MAGI2: variants seen among roughly 807,000 people sequenced by gnomAD.
The protein encoded by MAGI2 is membrane-associated guanylate kinase, WW and PDZ domain-containing protein 2.
Under a neutral mutation model 133.3 loss-of-function variants are expected in MAGI2, and 35 were observed. The observed-to-expected ratio is 0.26, with a 90% confidence interval of 0.20 to 0.35. MAGI2 has a LOEUF of 0.35. Among genes scored for constraint, MAGI2 ranks in the 10% least tolerant of loss-of-function variants. The pLI is 1.00. For missense variants in MAGI2, 1,636 were observed against 1,863.4 expected (o/e 0.88, Z 2.25); for synonymous variants, 729 against 710.6 (o/e 1.03, Z -0.41).
chr7:78,814,676 G>C (rs1789403488), intron 2 of MAGI2, among the ~76,000 whole-genome samples: 1 of 152,006 alleles, frequency 6.6e-6, no homozygotes, highest in East Asian at 1.9e-4. Flanking sequence ...CAAATCTCTT[G>C]AATAACACAT....
At chr7:78,157,790 T>G (rs190489488) in intron 16 of MAGI2, among the ~76,000 whole-genome samples, 129 of 152,372 alleles carry the variant, frequency 8.5e-4, no homozygotes, top group African/African-American at 2.8e-3. Context: ...TGTATCCTTT[T>G]AATCTTGGTG....
intron 9 of MAGI2, among the ~76,000 whole-genome samples, chr7:78,287,894 C>T (rs1024075755): frequency 1.6e-4 from 24 of 152,116 alleles, no homozygotes; most frequent in Non-Finnish European, 2.9e-4. Flanking sequence ...AATCAGTTAC[C>T]TATTCCATTT....
chr7:78,941,314 C>G (rs190096252), intron 2 of MAGI2, among the ~76,000 whole-genome samples: 95 of 152,242 alleles, frequency 6.2e-4, no homozygotes, highest in African/African-American at 2.0e-3. Context: ...CAACAAGACA[C>G]CTGCTCAACA....
At chr7:78,965,169 A>T (rs555118379) in intron 2 of MAGI2, among the ~76,000 whole-genome samples, 1 of 151,570 alleles carries the variant, frequency 6.6e-6, no homozygotes, top group African/African-American at 2.4e-5. Context: ...TCTAAATCTA[A>T]ATCTAATTAA....
intron 2 of MAGI2, among the ~76,000 whole-genome samples, chr7:78,803,647 A>G (rs898553820): frequency 1.3e-5 from 2 of 152,182 alleles, no homozygotes; most frequent in African/African-American, 4.8e-5. Flanking sequence ...GAAACATCAG[A>G]AAAGGGGGAA....
intron 6 of MAGI2, among the ~76,000 whole-genome samples, chr7:78,390,404 C>G (rs111374447): frequency 2.0e-5 from 3 of 152,190 alleles, no homozygotes; most frequent in African/African-American, 7.2e-5. Flanking sequence ...TGAATTTGAA[C>G]ATTATAAAAT....
intron 6 of MAGI2, among the ~76,000 whole-genome samples, chr7:78,407,413 G>T (rs1797480234): frequency 6.6e-6 from 1 of 151,908 alleles, no homozygotes; most frequent in South Asian, 2.1e-4. Flanking sequence ...TTGTTAAAAG[G>T]TGTTTTTTTA....
intron 1 of MAGI2, among the ~76,000 whole-genome samples, chr7:79,070,209 T>C (rs1026523262): frequency 7.2e-5 from 11 of 152,238 alleles, no homozygotes; most frequent in African/African-American, 2.6e-4. Flanking sequence ...TTTTCCAACT[T>C]GGTTCCATTC....
At chr7:78,104,050 C>G (rs6979444) in intron 20 of MAGI2, among the ~76,000 whole-genome samples, 2,161 of 152,266 alleles carry the variant, frequency 0.014, 54 homozygotes, top group African/African-American at 0.049. Flanking sequence ...GGTGGGGCCT[C>G]TCTTGGGCTT....
At chr7:78,708,035 A>T (rs564850171) in intron 2 of MAGI2, among the ~76,000 whole-genome samples, 47 of 152,274 alleles carry the variant, frequency 3.1e-4, no homozygotes, top group Middle Eastern at 3.4e-3. Flanking sequence ...TTACCATGAT[A>T]AAGTAATATA....
intron 1 of MAGI2, chr7:79,415,674 T>A (rs1394395632): frequency 2.6e-5 from 4 of 152,122 alleles, no homozygotes; most frequent in African/African-American, 4.8e-5. Context: ...GACTTTGGCA[T>A]CTGAAACAGA....
intron 6 of MAGI2, among the ~76,000 whole-genome samples, chr7:78,456,571 A>G (rs989865447): frequency 6.6e-6 from 1 of 152,180 alleles, no homozygotes; most frequent in Admixed American, 6.5e-5. Flanking sequence ...TACTCCATAA[A>G]CATTTGTTGA....
At chr7:79,101,748 G>C (rs373220215) in intron 1 of MAGI2, among the ~76,000 whole-genome samples, 1 of 141,260 alleles carries the variant, frequency 7.1e-6, no homozygotes, top group African/African-American at 2.6e-5. Context: ...AAAGAAAAAA[G>C]AAAAAGGAAA....
chr7:79,316,233 A>G (rs1357562914), intron 1 of MAGI2, among the ~76,000 whole-genome samples: 1 of 151,868 alleles, frequency 6.6e-6, no homozygotes, highest in Non-Finnish European at 1.5e-5. Flanking sequence ...CTCTTATTTC[A>G]TCATCATTTC....
intron 2 of MAGI2, among the ~76,000 whole-genome samples, chr7:78,804,026 G>A (rs1788302372): frequency 6.6e-6 from 1 of 152,122 alleles, no homozygotes; most frequent in Non-Finnish European, 1.5e-5. Context: ...GCTAAACTTG[G>A]GAACTACTAT....
chr7:79,433,001 A>C (rs1035041549), intron 1 of MAGI2, among the ~76,000 whole-genome samples: 3 of 152,160 alleles, frequency 2.0e-5, no homozygotes, highest in Admixed American at 6.5e-5. Context: ...AGCTAGAGCA[A>C]ATGGCAAAGA....
chr7:78,750,728 T>A (rs990952017), intron 2 of MAGI2, among the ~76,000 whole-genome samples: 7 of 152,100 alleles, frequency 4.6e-5, no homozygotes, highest in Admixed American at 3.3e-4. Context: ...GGGAGAATTG[T>A]GAGGCTGGAG....
chr7:78,173,279 T>C (rs1180815470), intron 14 of MAGI2, among the ~76,000 whole-genome samples: 1 of 152,240 alleles, frequency 6.6e-6, no homozygotes, highest in Non-Finnish European at 1.5e-5. Flanking sequence ...CTTCATTTCG[T>C]ACAGGACATC....
At chr7:78,326,777 T>C (rs552693615) in intron 9 of MAGI2, among the ~76,000 whole-genome samples, 1 of 152,324 alleles carries the variant, frequency 6.6e-6, no homozygotes, top group Admixed American at 6.5e-5. Flanking sequence ...ATATTCAGTC[T>C]CATTAAAGCC....
Sources: gnomAD v4.1 joint callset for allele counts (sites outside exome capture counted in the v4.1 genomes callset) on GRCh38, gnomAD v4.1.1 for gene constraint, MANE v1.5 for transcripts, NCBI Gene and HGNC (gene_info 2026-07-23, HGNC 2026-07-21) for gene names.